THEMIS: variants seen among roughly 807,000 people sequenced by gnomAD.
The protein encoded by THEMIS is thymocyte selection associated, also known as protein THEMIS.
THEMIS carries 37 observed loss-of-function variants against 52.6 expected under a neutral mutation model. The observed-to-expected ratio is 0.70, with a 90% CI of 0.54 to 0.93. The LOEUF is 0.93. Among genes scored for constraint, THEMIS ranks in the 40% least tolerant of loss-of-function variants. The probability of loss-of-function intolerance (pLI) is 0.00; values close to 1 mark genes in which losing one functional copy is unlikely to be tolerated. For missense variants in THEMIS, 808 were observed against 763.1 expected, an observed-to-expected ratio of 1.06 and a Z score of -0.69; for synonymous variants, 292 against 272.7, an observed-to-expected ratio of 1.07 and a Z score of -0.70.
intron 4 of THEMIS, among the ~76,000 whole-genome samples, chr6:127,809,829 A>G (rs977882050): frequency 6.6e-6 from 1 of 150,630 alleles, no homozygotes; most frequent in Non-Finnish European, 1.5e-5. Context: ...AATGTATAAA[A>G]TAACTAATAT....
At chr6:127,900,178 T>C (rs1781095637) in intron 1 of THEMIS, among the ~76,000 whole-genome samples, 1 of 151,798 alleles carries the variant, frequency 6.6e-6, no homozygotes, top group Non-Finnish European at 1.5e-5. Context: ...AGGTTGTATA[T>C]TGGAGGTTAT....
intron 4 of THEMIS, among the ~76,000 whole-genome samples, chr6:127,803,477 A>G (rs996140932): frequency 3.3e-5 from 5 of 152,064 alleles, no homozygotes; most frequent in Non-Finnish European, 7.4e-5. Flanking sequence ...CCCTTTATTA[A>G]TCTTTTCCTG....
intron 1 of THEMIS, among the ~76,000 whole-genome samples, chr6:127,912,603 G>A (rs566491804): frequency 1.3e-5 from 2 of 152,242 alleles, no homozygotes; most frequent in South Asian, 4.1e-4. Context: ...TAGACCCAGG[G>A]ATGACTTGTA....
intron 1 of THEMIS, among the ~76,000 whole-genome samples, chr6:127,908,590 C>T (rs1781334979): frequency 6.6e-6 from 1 of 152,044 alleles, no homozygotes; most frequent in Non-Finnish European, 1.5e-5. Flanking sequence ...TGACATTTTC[C>T]CTTGCTGTAG....
rs1312287414 is a variant in THEMIS, at chr6:127,862,237, A to G, written c.92-7049T>C. On this transcript the variant is annotated intron_variant, in intron 1 of 5. Coordinates refer to ENST00000368248, the MANE Select transcript of THEMIS (RefSeq NM_001010923.3). ...CCTGAGTGCCCTAGCTAAAAGACAC[A>G]GGAATTTTAATCAACTTGACAGTAA... Among the ~76,000 whole-genome samples, 4 of 152,194 alleles carry G rather than the reference A, an allele frequency of 2.6e-5. No homozygotes were observed. The East Asian group carries it at 7.7e-4, about 29-fold the overall frequency.
intron 4 of THEMIS, among the ~76,000 whole-genome samples, chr6:127,755,099 A>G (rs1775776153): frequency 6.6e-6 from 1 of 152,124 alleles, no homozygotes. Context: ...TCTGCTGTAT[A>G]CAAGGCATCT....
intron 4 of THEMIS, among the ~76,000 whole-genome samples, chr6:127,766,396 A>C (rs1776200809): frequency 1.3e-5 from 2 of 152,218 alleles, no homozygotes; most frequent in Admixed American, 1.3e-4. Context: ...AAACATGTTT[A>C]ATTTGATGAT....
chr6:127,861,260 A>T (rs764788513), intron 1 of THEMIS, among the ~76,000 whole-genome samples: 2 of 152,156 alleles, frequency 1.3e-5, no homozygotes, highest in Non-Finnish European at 2.9e-5. Flanking sequence ...ATGTTAAATA[A>T]ATTTAATATA....
At chr6:127,779,630 A>T (rs1382349421) in intron 4 of THEMIS, among the ~76,000 whole-genome samples, 1 of 152,190 alleles carries the variant, frequency 6.6e-6, no homozygotes, top group East Asian at 1.9e-4. Flanking sequence ...AATGTGGTGT[A>T]GGAAGTGCTA....
intron 2 of THEMIS, among the ~76,000 whole-genome samples, chr6:127,840,485 A>G (rs1007292569): frequency 2.6e-5 from 4 of 152,152 alleles, no homozygotes; most frequent in African/African-American, 7.2e-5. Context: ...TTAATGCTAG[A>G]TGAGTCTGGT....
intron 4 of THEMIS, among the ~76,000 whole-genome samples, chr6:127,771,003 G>C (rs1776366605): frequency 1.3e-5 from 2 of 152,164 alleles, no homozygotes; most frequent in Admixed American, 1.3e-4. Context: ...TAGATGACAT[G>C]ATTGTATATT....
chr6:127,789,483 C>T (rs1240570673), intron 4 of THEMIS, among the ~76,000 whole-genome samples: 1 of 152,142 alleles, frequency 6.6e-6, no homozygotes, highest in African/African-American at 2.4e-5. Flanking sequence ...TGAAACTATT[C>T]CAAACAATAG....
intron 4 of THEMIS, among the ~76,000 whole-genome samples, chr6:127,798,330 A>G (rs1777401096): frequency 6.6e-6 from 1 of 152,194 alleles, no homozygotes; most frequent in African/African-American, 2.4e-5. Context: ...GAAAATGACT[A>G]AGTAGTTAAG....
intron 1 of THEMIS, chr6:127,868,312 T>C (rs932355032): frequency 3.4e-6 from 1 of 296,260 alleles, no homozygotes; most frequent in African/African-American, 2.3e-5. Context: ...GGTGGGATTG[T>C]CTTGATCAAG....
At position 127,756,414 on chromosome 6, in the gene THEMIS, A is replaced by G. The variant is rs117785225; in HGVS notation, c.1759-36591T>C. 7.0e-3 allele frequency among the ~76,000 whole-genome samples: 1,067 copies of G among 152,298 alleles called. 4 individuals are homozygous for G. Among genetic ancestry groups the G allele is most frequent in the Admixed American group, 0.012 (188 of 15,296 alleles). On this transcript the variant is annotated intron_variant, in intron 4 of 5. Transcript: ENST00000368248. ...ATTCAATTTTATTCAAGGTGGCTGT[A>G]TACATATTTCCTCTAAACGCTACTT... is the stretch of plus-strand genomic sequence containing the variant.
intron 4 of THEMIS, among the ~76,000 whole-genome samples, chr6:127,765,206 T>G (rs1332036958): frequency 6.6e-6 from 1 of 152,106 alleles, no homozygotes; most frequent in East Asian, 1.9e-4. Flanking sequence ...ATTTGAGAGA[T>G]AAGAATTGTT....
intron 4 of THEMIS, among the ~76,000 whole-genome samples, chr6:127,755,242 G>T (rs778742496): frequency 6.6e-6 from 1 of 152,118 alleles, no homozygotes; most frequent in Non-Finnish European, 1.5e-5. Flanking sequence ...GCCCATGCTA[G>T]GCATTGAATC....
intron 2 of THEMIS, among the ~76,000 whole-genome samples, chr6:127,839,276 TGA>T (rs1257123608): frequency 2.0e-5 from 3 of 151,992 alleles, no homozygotes; most frequent in African/African-American, 7.2e-5. Flanking sequence ...AGTAAATAAA[TGA>T]GTTAGTTATA....
At chr6:127,718,909 C>CT (rs1774265451) in intron 5 of THEMIS, among the ~76,000 whole-genome samples, 1 of 151,686 alleles carries the variant, frequency 6.6e-6, no homozygotes, top group South Asian at 2.1e-4. Context: ...ACTTCAGAGA[C>CT]TTTATCTAGT....
Sources: allele counts gnomAD v4.1 joint callset (sites outside exome capture counted in the v4.1 genomes callset), GRCh38; gene constraint gnomAD v4.1.1; transcripts MANE v1.5; gene names NCBI Gene and HGNC (gene_info 2026-07-23, HGNC 2026-07-21).